VPS35L: variants seen among roughly 807,000 people sequenced by gnomAD.
VPS35L encodes VPS35 endosomal protein sorting factor like.
In VPS35L, 83 loss-of-function variants were observed where a neutral mutation model predicts 133.0. The ratio of observed to expected loss-of-function variants is 0.62; its 90% CI spans 0.52 to 0.75. VPS35L has a LOEUF of 0.75. VPS35L is among the 30% of genes least tolerant of loss of function. The pLI is 0.00. For synonymous variants in VPS35L, 423 were observed against 449.9 expected, an observed-to-expected ratio of 0.94 and a Z score of 0.76; for missense variants, 1,083 against 1,206.8, an observed-to-expected ratio of 0.90 and a Z score of 1.52.
intron 1 of VPS35L, among the ~76,000 whole-genome samples, chr16:19,556,040 C>T (rs780907627): frequency 1.3e-5 from 2 of 152,172 alleles, no homozygotes; most frequent in Admixed American, 6.5e-5. Context: ...TCCGCGTCCC[C>T]AGAAGTTGGC....
chr16:19,691,944 G>A (rs150699629), intron 29 of VPS35L, among the ~76,000 whole-genome samples: 2,538 of 150,948 alleles, frequency 0.017, 48 homozygotes, highest in Non-Finnish European at 0.021. Context: ...GCATAATCTC[G>A]GCTCACTGCA....
intron 28 of VPS35L, among the ~76,000 whole-genome samples, chr16:19,689,040 C>CTTT (rs766276644): frequency 7.4e-6 from 1 of 134,684 alleles, no homozygotes; most frequent in South Asian, 2.4e-4. Context: ...GGTGTCTCTT[C>CTTT]TTTTTTTTTT....
intron 8 of VPS35L, among the ~76,000 whole-genome samples, chr16:19,595,385 A>G (rs1187480445): frequency 1.3e-5 from 2 of 152,034 alleles, no homozygotes; most frequent in Non-Finnish European, 2.9e-5. Flanking sequence ...TTAGATGTCA[A>G]ATCATACACT....
intron 14 of VPS35L, among the ~76,000 whole-genome samples, chr16:19,618,246 G>A (rs1298020920): frequency 1.3e-5 from 2 of 152,054 alleles, no homozygotes; most frequent in African/African-American, 2.4e-5. Flanking sequence ...CATGTTGAAA[G>A]CTGTACAGAA....
At chr16:19,624,827 A>T (rs1257501340) in intron 14 of VPS35L, among the ~76,000 whole-genome samples, 1 of 152,104 alleles carries the variant, frequency 6.6e-6, no homozygotes, top group Non-Finnish European at 1.5e-5. Context: ...TAAAATGGGG[A>T]TAATGTTCCA....
chr16:19,566,196 T>C (rs1436121037), intron 2 of VPS35L, among the ~76,000 whole-genome samples: 1 of 152,090 alleles, frequency 6.6e-6, no homozygotes, highest in East Asian at 1.9e-4. Context: ...CCGTTCCCCA[T>C]GTTAAAAGAA....
At position 19,700,436 on chromosome 16, in the gene VPS35L, C is replaced by T. The variant is rs757937591; in HGVS notation, c.2852C>T (p.Thr951Met). The change falls in exon 31 of 31, where the codon ACG becomes ATG. Residue 951 changes from threonine (T) to methionine (M), a missense_variant. By Grantham distance (81) the Thr-to-Met change is moderately conservative. Transcript: ENST00000417362. ...AAACAACCAGACATGACTCATCTGA[C>T]GGAGCTGGCCCTCAGACTCCCTCTG... The part of the protein sequence containing the change: ...QSKQPDMTHL[T>M]ELALRLPLQT... The T allele has an allele frequency of 1.1e-4, 175 of 1,614,094 alleles. No homozygotes were observed. Among genetic ancestry groups the T allele is most frequent in the Non-Finnish European group, 1.3e-4 (151 of 1,180,040 alleles).
chr16:19,582,291 A>G (rs767368839), intron 7 of VPS35L, among the ~76,000 whole-genome samples: 2 of 152,220 alleles, frequency 1.3e-5, no homozygotes, highest in Non-Finnish European at 2.9e-5. Flanking sequence ...GGAAAGGAAT[A>G]ATTCATTAAA....
chr16:19,634,440 C>T (rs974871810), intron 19 of VPS35L, among the ~76,000 whole-genome samples: 1 of 146,396 alleles, frequency 6.8e-6, no homozygotes, highest in Non-Finnish European at 1.5e-5. Context: ...AAAAAACCCA[C>T]TAATGTGAAA....
intron 5 of VPS35L, among the ~76,000 whole-genome samples, chr16:19,576,951 C>T (rs1971559844): frequency 6.6e-6 from 1 of 152,160 alleles, no homozygotes; most frequent in East Asian, 1.9e-4. Flanking sequence ...AAGTGGTCCA[C>T]CTGCCTTGGC....
intron 8 of VPS35L, among the ~76,000 whole-genome samples, chr16:19,593,636 G>A (rs370678707): frequency 1.3e-5 from 2 of 152,224 alleles, no homozygotes; most frequent in East Asian, 1.9e-4. Flanking sequence ...CCCTTGGGCC[G>A]GGCATGGTGG....
intron 12 of VPS35L, among the ~76,000 whole-genome samples, chr16:19,614,465 G>A (rs928476917): frequency 6.6e-6 from 1 of 152,222 alleles, no homozygotes; most frequent in African/African-American, 2.4e-5. Flanking sequence ...AGGCTGGAGT[G>A]CAGTGGCACA....
intron 8 of VPS35L, among the ~76,000 whole-genome samples, chr16:19,594,959 G>C (rs1300300099): frequency 6.6e-6 from 1 of 152,128 alleles, no homozygotes; most frequent in Non-Finnish European, 1.5e-5. Flanking sequence ...TGGAGGCCAG[G>C]GGCAGAAGAG....
At chr16:19,637,543 T>A in intron 19 of VPS35L, 51 bp from the exon 20 acceptor site, 1 of 1,355,424 alleles carries the variant, frequency 7.4e-7, no homozygotes, top group Non-Finnish European at 1.0e-6. Flanking sequence ...AGAAAGAAAT[T>A]TTTAAAAATT....
chr16:19,594,150 A>C (rs1972128827), intron 8 of VPS35L, among the ~76,000 whole-genome samples: 1 of 152,150 alleles, frequency 6.6e-6, no homozygotes, highest in Non-Finnish European at 1.5e-5. Context: ...GATGAAATGC[A>C]CTGATTATCC....
intron 26 of VPS35L, chr16:19,652,301 C>G: frequency 1.9e-6 from 1 of 516,586 alleles, no homozygotes; most frequent in South Asian, 2.2e-5. Context: ...GTAGCTGGGA[C>G]TGCAGGCGCA....
intron 21 of VPS35L, 59 bp downstream of exon 21, chr16:19,640,159 G>T (rs1973744635): frequency 6.6e-7 from 1 of 1,509,792 alleles, no homozygotes; most frequent in African/African-American, 1.4e-5. Flanking sequence ...GAAACCTGTT[G>T]ATAAAAAATC....
chr16:19,636,121 G>A (rs2151573545), intron 19 of VPS35L, among the ~76,000 whole-genome samples: 1 of 152,322 alleles, frequency 6.6e-6, no homozygotes, highest in East Asian at 1.9e-4. Context: ...AGGAGGTCAA[G>A]GCTGCAGTGA....
intron 18 of VPS35L, among the ~76,000 whole-genome samples, chr16:19,632,652 T>C (rs1973493925): frequency 6.6e-6 from 1 of 152,218 alleles, no homozygotes; most frequent in African/African-American, 2.4e-5. Context: ...CTGGGCTGGA[T>C]TGGGCTGCAG....
Sources: gnomAD v4.1 joint callset for allele counts (sites outside exome capture counted in the v4.1 genomes callset) on GRCh38, gnomAD v4.1.1 for gene constraint, MANE v1.5 for transcripts, NCBI Gene and HGNC (gene_info 2026-07-23, HGNC 2026-07-21) for gene names.